Variants in GTF2IRD1 observed in about 807,000 individuals in gnomAD.
GTF2IRD1 encodes general transcription factor II-I repeat domain-containing protein 1.
In GTF2IRD1, 26 loss-of-function variants were observed where a neutral mutation model predicts 113.2. The observed-to-expected ratio is 0.23, with a 90% CI of 0.17 to 0.32. The LOEUF (loss-of-function observed/expected upper bound fraction) is 0.32. Ranked by LOEUF, GTF2IRD1 falls within the 10% of genes least tolerant of loss-of-function variation. The pLI, the probability that GTF2IRD1 is intolerant of heterozygous loss-of-function variation, is 1.00. For synonymous variants in GTF2IRD1, 484 were observed against 529.1 expected, an observed-to-expected ratio of 0.91 and a Z score of 1.17; for missense variants, 864 against 1,280.8, an observed-to-expected ratio of 0.67 and a Z score of 4.97.
chr7:74,509,929 C>T (rs896341536), intron 2 of GTF2IRD1, among the ~76,000 whole-genome samples: 1 of 152,158 alleles, frequency 6.6e-6, no homozygotes, highest in South Asian at 2.1e-4. Context: ...CCCACCTCAG[C>T]CTCTCAAAGT....
intron 14 of GTF2IRD1, among the ~76,000 whole-genome samples, chr7:74,544,227 G>C (rs1370890535): frequency 6.6e-6 from 1 of 152,182 alleles, no homozygotes; most frequent in South Asian, 2.1e-4. Context: ...GTCTCACTCT[G>C]TTGCCCAGGC....
Position 74,550,901 on chromosome 7 carries a change from G to A in GTF2IRD1, c.1916+3615G>A, listed in dbSNP as rs372660468. Among the ~76,000 whole-genome samples, 4 of 152,038 alleles carry A rather than the reference G, an allele frequency of 2.6e-5. No individual in the cohort carries two copies. The East Asian group carries it at 5.8e-4, about 22-fold the overall frequency. Reference sequence around the variant, plus strand: ...ATTAAAAAATTAGCCAGGTGCAGTGGTGTGTGTCTGTAGTCCCAGATACTT... The same window carrying A: ...ATTAAAAAATTAGCCAGGTGCAGTGATGTGTGTCTGTAGTCCCAGATACTT... On this transcript the variant is annotated intron_variant, in intron 17 of 26. Coordinates refer to ENST00000424337, the MANE Select transcript of GTF2IRD1 (RefSeq NM_005685.4).
chr7:74,464,947 G>T (rs1336292661), intron 1 of GTF2IRD1, among the ~76,000 whole-genome samples: 1 of 152,166 alleles, frequency 6.6e-6, no homozygotes, highest in African/African-American at 2.4e-5. Context: ...GCCCTGTGCA[G>T]GAAGGAAGGC....
chr7:74,508,695 A>G (rs1246859127), intron 2 of GTF2IRD1, among the ~76,000 whole-genome samples: 1 of 151,626 alleles, frequency 6.6e-6, no homozygotes, highest in African/African-American at 2.4e-5. Flanking sequence ...CGTCTTAAAA[A>G]AAAAAAAAAA....
chr7:74,589,647 G>A (rs1320288787), intron 22 of GTF2IRD1, among the ~76,000 whole-genome samples: 1 of 151,466 alleles, frequency 6.6e-6, no homozygotes, highest in Non-Finnish European at 1.5e-5. Context: ...GCAGTGAGCT[G>A]AGATCACGCC....
At chr7:74,513,071 G>A (rs1796726655) in intron 3 of GTF2IRD1, 100 bp downstream of exon 3, 4 of 1,165,578 alleles carry the variant, frequency 3.4e-6, no homozygotes, top group East Asian at 2.4e-5. Context: ...CCAGGGTGGC[G>A]GTGTGTGGGG....
intron 9 of GTF2IRD1, among the ~76,000 whole-genome samples, chr7:74,534,526 C>T (rs1006806113): frequency 1.3e-5 from 2 of 152,018 alleles, no homozygotes; most frequent in African/African-American, 4.8e-5. Flanking sequence ...CCCTTGAACC[C>T]GGGAGGCGGA....
chr7:74,569,473 G>T (rs1377486135), intron 22 of GTF2IRD1, among the ~76,000 whole-genome samples: 4 of 152,128 alleles, frequency 2.6e-5, no homozygotes, highest in Admixed American at 2.6e-4. Flanking sequence ...TGTGCAGTGA[G>T]GGGGGGATGG....
chr7:74,456,751 G>C (rs929003326), intron 1 of GTF2IRD1, among the ~76,000 whole-genome samples: 11 of 151,798 alleles, frequency 7.2e-5, no homozygotes, highest in African/African-American at 2.7e-4. Flanking sequence ...TCCTACCCCT[G>C]GCCTCTGCAC....
At chr7:74,589,454 T>G (rs1204668987) in intron 22 of GTF2IRD1, among the ~76,000 whole-genome samples, 3 of 151,972 alleles carry the variant, frequency 2.0e-5, no homozygotes, top group African/African-American at 7.2e-5. Context: ...TCCCAGCACT[T>G]TGGGAGGCTG....
At chr7:74,592,527 ATTTC>A (rs1184869291) in intron 24 of GTF2IRD1, among the ~76,000 whole-genome samples, 6 of 148,082 alleles carry the variant, frequency 4.1e-5, no homozygotes, top group African/African-American at 1.0e-4. Context: ...CCTGTGGTGT[ATTTC>A]TTTCTTTCTT....
At chr7:74,598,063 A>G (rs1802528694) in intron 25 of GTF2IRD1, among the ~76,000 whole-genome samples, 1 of 152,122 alleles carries the variant, frequency 6.6e-6, no homozygotes, top group African/African-American at 2.4e-5. Context: ...TCTCTGCAAA[A>G]AAATTAAAAA....
At chr7:74,593,882 C>T (rs587657957) in intron 24 of GTF2IRD1, among the ~76,000 whole-genome samples, 10 of 151,710 alleles carry the variant, frequency 6.6e-5, no homozygotes, top group South Asian at 2.1e-4. Flanking sequence ...CCAGCCTGGG[C>T]GACAGAGTAA....
At chr7:74,579,619 A>C (rs1157808479) in intron 22 of GTF2IRD1, among the ~76,000 whole-genome samples, 2 of 90,324 alleles carry the variant, frequency 2.2e-5, no homozygotes, top group Non-Finnish European at 5.0e-5. Flanking sequence ...CTCCATCTTA[A>C]GAAAAAAAAA....
intron 22 of GTF2IRD1, among the ~76,000 whole-genome samples, chr7:74,585,357 C>A (rs1801661010): frequency 6.6e-6 from 1 of 152,044 alleles, no homozygotes. Flanking sequence ...AAGTGATCCA[C>A]CTGCCTCGGC....
Position 74,536,361 on chromosome 7 carries a change from C to T in GTF2IRD1, c.1409+86C>T, listed in dbSNP as rs1798298073. On this transcript the variant is annotated intron_variant, in intron 11 of 26. Coordinates refer to ENST00000424337, the MANE Select transcript of GTF2IRD1 (RefSeq NM_005685.4). ...GTTACCTGCAAGGGGGTACCCAGGG[C>T]GGCTCCCACCACACCACCACCCCTC... 1.5e-5 allele frequency: 11 copies of T among 750,456 alleles called. 1 individual carries two copies. The highest frequency in any genetic ancestry group is 1.1e-4 in the South Asian group (7 of 63,784). The allele number at this position is 750,456 out of a possible 1,614,324, so 46.5% of individuals were successfully genotyped here.
chr7:74,501,055 A>C (rs1554339338), intron 1 of GTF2IRD1, among the ~76,000 whole-genome samples: 1 of 152,100 alleles, frequency 6.6e-6, no homozygotes, highest in Non-Finnish European at 1.5e-5. Context: ...TGGGGAGAAG[A>C]GGAGGGGAGG....
At chr7:74,590,532 G>A (rs1801995942) in intron 23 of GTF2IRD1, among the ~76,000 whole-genome samples, 1 of 152,050 alleles carries the variant, frequency 6.6e-6, no homozygotes, top group South Asian at 2.1e-4. Flanking sequence ...GGGACTACAG[G>A]TGCCCGCCAC....
intron 1 of GTF2IRD1, among the ~76,000 whole-genome samples, chr7:74,487,002 G>T (rs1685589464): frequency 6.6e-6 from 1 of 152,128 alleles, no homozygotes; most frequent in Non-Finnish European, 1.5e-5. Flanking sequence ...CCAAAAGTTG[G>T]ACTCAGTGAT....
Sources: gnomAD v4.1 joint callset for allele counts (sites outside exome capture counted in the v4.1 genomes callset) on GRCh38, gnomAD v4.1.1 for gene constraint, MANE v1.5 for transcripts, NCBI Gene and HGNC (gene_info 2026-07-23, HGNC 2026-07-21) for gene names.